Variants in CCDC85A observed in about 807,000 individuals in gnomAD.
CCDC85A encodes the protein coiled-coil domain-containing protein 85A.
In CCDC85A, 38 loss-of-function variants were observed where a neutral mutation model predicts 50.2. The ratio of observed to expected loss-of-function variants is 0.76; its 90% CI spans 0.58 to 0.99. The LOEUF is 0.99. CCDC85A is among the 50% of genes least tolerant of loss of function. The pLI, the probability that CCDC85A is intolerant of heterozygous loss-of-function variation, is 0.00. For synonymous variants in CCDC85A, 366 were observed against 301.4 expected, an observed-to-expected ratio of 1.21 and a Z score of -2.22; for missense variants, 820 against 742.0, an observed-to-expected ratio of 1.11 and a Z score of -1.22.
intron 2 of CCDC85A, among the ~76,000 whole-genome samples, chr2:56,262,389 T>G (rs982246705): frequency 1.1e-4 from 16 of 152,194 alleles, no homozygotes; most frequent in African/African-American, 3.9e-4. Context: ...TGTAACTAAT[T>G]GCCAGAAATG....
At chr2:56,263,545 A>G (rs214047) in intron 2 of CCDC85A, among the ~76,000 whole-genome samples, 30,200 of 152,036 alleles carry the variant, frequency 0.2, 3,236 homozygotes, top group East Asian at 0.34. Context: ...CTCTAGCTGT[A>G]TATTGGGCTG....
chr2:56,378,668 ATTAT>A (rs1558667152), intron 5 of CCDC85A, among the ~76,000 whole-genome samples: 1 of 152,214 alleles, frequency 6.6e-6, no homozygotes, highest in African/African-American at 2.4e-5. Flanking sequence ...TTGTGATCAG[ATTAT>A]TTATTACAGG....
intron 2 of CCDC85A, among the ~76,000 whole-genome samples, chr2:56,270,519 T>C (rs1415404275): frequency 6.6e-6 from 1 of 152,228 alleles, no homozygotes; most frequent in Non-Finnish European, 1.5e-5. Flanking sequence ...GTATCTGCTA[T>C]ATTATGTAAA....
chr2:56,262,201 G>T (rs1049082928), intron 2 of CCDC85A, among the ~76,000 whole-genome samples: 2 of 152,094 alleles, frequency 1.3e-5, no homozygotes, highest in Admixed American at 1.3e-4. Flanking sequence ...AGGTTAAGCT[G>T]ATTTTTTCTA....
intron 2 of CCDC85A, among the ~76,000 whole-genome samples, chr2:56,238,259 T>C (rs1669107285): frequency 6.6e-6 from 1 of 151,864 alleles, no homozygotes; most frequent in African/African-American, 2.4e-5. Context: ...CTACTAAAAA[T>C]ACAAAAAATT....
At chr2:56,228,755 A>C (rs569357917) in intron 2 of CCDC85A, among the ~76,000 whole-genome samples, 3 of 151,976 alleles carry the variant, frequency 2.0e-5, no homozygotes, top group Non-Finnish European at 4.4e-5. Flanking sequence ...GGATGCTCTC[A>C]ATCTCCTGAC....
At chr2:56,263,779 T>G (rs998014711) in intron 2 of CCDC85A, among the ~76,000 whole-genome samples, 6 of 152,188 alleles carry the variant, frequency 3.9e-5, no homozygotes, top group African/African-American at 1.4e-4. Flanking sequence ...TATGCAGGAT[T>G]CCTTCCCAGA....
At chr2:56,362,218 A>G (rs553226049) in intron 3 of CCDC85A, among the ~76,000 whole-genome samples, 49 of 152,148 alleles carry the variant, frequency 3.2e-4, no homozygotes, top group Admixed American at 9.8e-4. Flanking sequence ...GATCTCAGCA[A>G]TCATATGATT....
intron 2 of CCDC85A, among the ~76,000 whole-genome samples, chr2:56,260,339 T>A (rs1670166173): frequency 6.6e-6 from 1 of 152,106 alleles, no homozygotes; most frequent in Non-Finnish European, 1.5e-5. Context: ...AGGGTGGGAG[T>A]AAAAAGAATC....
At chr2:56,363,003 A>G (rs941379471) in intron 3 of CCDC85A, among the ~76,000 whole-genome samples, 1 of 152,082 alleles carries the variant, frequency 6.6e-6, no homozygotes, top group Non-Finnish European at 1.5e-5. Flanking sequence ...AAGATGTTTT[A>G]TATTTTGTTT....
At chr2:56,194,861 C>T (rs1042411296) in intron 2 of CCDC85A, among the ~76,000 whole-genome samples, 1 of 150,786 alleles carries the variant, frequency 6.6e-6, no homozygotes, top group Non-Finnish European at 1.5e-5. Context: ...AGATGCTGCC[C>T]CCACCCCCAC....
chr2:56,354,507 A>G (rs889106568), intron 3 of CCDC85A, among the ~76,000 whole-genome samples: 7 of 152,250 alleles, frequency 4.6e-5, no homozygotes, highest in Admixed American at 4.6e-4. Context: ...TGAAATAGCC[A>G]CTAAGAAGTG....
intron 2 of CCDC85A, among the ~76,000 whole-genome samples, chr2:56,268,721 G>C (rs1279370838): frequency 1.3e-5 from 2 of 151,712 alleles, no homozygotes; most frequent in Non-Finnish European, 2.9e-5. Flanking sequence ...AAAATATTTA[G>C]GAAGATTGTA....
chr2:56,303,405 G>A (rs553118267), intron 2 of CCDC85A, among the ~76,000 whole-genome samples: 5 of 152,008 alleles, frequency 3.3e-5, no homozygotes, highest in Admixed American at 6.6e-5. Context: ...CTCAATTCCT[G>A]GCACAGTACA....
chr2:56,256,467 A>G (rs1318688415), intron 2 of CCDC85A, among the ~76,000 whole-genome samples: 1 of 152,220 alleles, frequency 6.6e-6, no homozygotes, highest in Non-Finnish European at 1.5e-5. Context: ...CTGTCAGTCT[A>G]GCTGTGAATT....
At chr2:56,367,349 C>G (rs1233260568) in intron 3 of CCDC85A, among the ~76,000 whole-genome samples, 1 of 152,050 alleles carries the variant, frequency 6.6e-6, no homozygotes, top group Non-Finnish European at 1.5e-5. Context: ...TATACTTAGA[C>G]CATTTGAGGG....
intron 2 of CCDC85A, among the ~76,000 whole-genome samples, chr2:56,295,305 A>G (rs1208520681): frequency 6.6e-6 from 1 of 152,182 alleles, no homozygotes; most frequent in South Asian, 2.1e-4. Context: ...TTTGAATTTT[A>G]TAGCAGGGTT....
At position 56,304,193 on chromosome 2, in the gene CCDC85A, C is replaced by T. The variant is rs191393439; in HGVS notation, c.1241-38686C>T. 1.7e-3 allele frequency among the ~76,000 whole-genome samples: 257 copies of T among 152,222 alleles called. 1 individual carries two copies. The highest frequency in any genetic ancestry group is 2.0e-3 in the Non-Finnish European group (139 of 68,028). On this transcript the variant is annotated intron_variant, in intron 2 of 5. Transcript: ENST00000407595. ...TCCAAAGCCATTTCATGACTAATGC[C>T]ACTTACCATAAAGCTGACCTTTGAC...
chr2:56,375,785 T>C, intron 4 of CCDC85A, 31 bp from the exon 5 acceptor site: 1 of 1,609,196 alleles, frequency 6.2e-7, no homozygotes, highest in Non-Finnish European at 8.5e-7. Context: ...GACTTTTGTT[T>C]TAATAACAAA....
Sources: gnomAD v4.1 joint callset for allele counts (sites outside exome capture counted in the v4.1 genomes callset) on GRCh38, gnomAD v4.1.1 for gene constraint, MANE v1.5 for transcripts, NCBI Gene and HGNC (gene_info 2026-07-23, HGNC 2026-07-21) for gene names.